Variants in SLC11A2 observed in about 807,000 individuals in gnomAD.
SLC11A2 encodes the protein solute carrier family 11 member 2.
Under a neutral mutation model 68.0 loss-of-function variants are expected in SLC11A2, and 38 were observed. The observed-to-expected ratio is 0.56, with a 90% CI of 0.43 to 0.73. SLC11A2 has a LOEUF of 0.73. Ranked by LOEUF, SLC11A2 falls within the 30% of genes least tolerant of loss-of-function variation. The pLI is 0.00. For missense variants in SLC11A2, 517 were observed against 690.5 expected, an observed-to-expected ratio of 0.75 and a Z score of 2.82; for synonymous variants, 242 against 250.6, an observed-to-expected ratio of 0.97 and a Z score of 0.32.
At chr12:50,979,045 A>G (rs1939893825), downstream of SLC11A2, among the ~76,000 whole-genome samples, 3 of 152,200 alleles carry the variant, frequency 2.0e-5, no homozygotes, top group Admixed American at 2.0e-4. Context: ...GATTGACTCT[A>G]TAGTGTTGAA....
intron 2 of SLC11A2, chr12:51,009,049 T>G: frequency 2.1e-6 from 2 of 932,352 alleles, no homozygotes; most frequent in Non-Finnish European, 3.4e-6. Flanking sequence ...ATCCTAGCTT[T>G]TAAAAGAAAA....
At chr12:50,981,269 T>C (rs970009373), downstream of SLC11A2, 1 of 152,980 alleles carries the variant, frequency 6.5e-6, no homozygotes, top group Non-Finnish European at 1.5e-5. Flanking sequence ...CAGTTCATTG[T>C]GAAAAAGAGC....
intron 1 of SLC11A2, among the ~76,000 whole-genome samples, chr12:51,013,178 GCAAA>G (rs1484935902): frequency 2.0e-5 from 3 of 152,046 alleles, no homozygotes. Context: ...TTGATATGAG[GCAAA>G]CAGTCCTTCC....
Position 50,987,456 on chromosome 12 carries a change from C to A in SLC11A2, c.*869G>T, listed in dbSNP as rs111817978. 1 of 1,287,158 alleles carries A rather than the reference C, an allele frequency of 7.8e-7. No homozygotes were observed. Among genetic ancestry groups the A allele is most frequent in the Non-Finnish European group, 1.0e-6 (1 of 988,682 alleles). 79.7% of individuals were successfully genotyped at this position (1,287,158 alleles called of 1,614,324 possible). ...TTTTCTCCCCACCCTCAACATTTCA[C>A]GAGAACATCAGTTCATAAATACTAC... On this transcript the variant is annotated 3_prime_UTR_variant, in exon 16 of 16. Transcript: ENST00000262052.
intron 1 of SLC11A2, chr12:51,026,067 A>C (rs1592472386): frequency 3.7e-6 from 4 of 1,077,860 alleles, no homozygotes; most frequent in Non-Finnish European, 4.5e-6. Flanking sequence ...GACCCCCGCG[A>C]CCTCCGGCGT....
At chr12:50,997,425 G>A (rs1164209421) in intron 8 of SLC11A2, among the ~76,000 whole-genome samples, 1 of 152,064 alleles carries the variant, frequency 6.6e-6, no homozygotes, top group African/African-American at 2.4e-5. Flanking sequence ...GAAAGGGCTG[G>A]GTGCGGTGGC....
At chr12:51,026,769 C>T (rs1397038838), upstream of SLC11A2, among the ~76,000 whole-genome samples, 5 of 152,166 alleles carry the variant, frequency 3.3e-5, no homozygotes, top group Non-Finnish European at 7.3e-5. Context: ...GAGGCTCACA[C>T]TTGTAATGCC....
chr12:51,005,478 T>C, intron 3 of SLC11A2, 42 bp from the exon 4 acceptor site: 1 of 1,610,552 alleles, frequency 6.2e-7, no homozygotes, highest in Non-Finnish European at 8.5e-7. Flanking sequence ...ACATCACCAT[T>C]GAACTACTGA....
In SLC11A2 at chr12:50,986,177, G is replaced by C. The variant is rs551258639; in HGVS notation, c.*2148C>G. The C allele has an allele frequency of 2.7e-5, 35 of 1,285,026 alleles. No individual in the cohort carries two copies. Among genetic ancestry groups the C allele is most frequent in the Non-Finnish European group, 3.4e-5 (34 of 986,920 alleles). The allele number at this position is 1,285,026 out of a possible 1,614,324, so 79.6% of individuals were successfully genotyped here. ...CACAATTATTTCATGTCACATTTAAGAAGAACAAGAACCAATTTATATAAA... is the reference window on the plus strand; with the variant it reads ...CACAATTATTTCATGTCACATTTAACAAGAACAAGAACCAATTTATATAAA... On this transcript the variant is annotated 3_prime_UTR_variant, in exon 16 of 16. Transcript: ENST00000262052.
the SLC11A2 span, among the ~76,000 whole-genome samples, chr12:50,962,748 G>A: frequency 6.6e-6 from 1 of 151,956 alleles, no homozygotes; most frequent in African/African-American, 2.4e-5. Flanking sequence ...ACAAGGGAGT[G>A]GTATTTAACT....
chr12:51,004,659 G>A (rs1057211939), intron 5 of SLC11A2, 129 bp downstream of exon 5: 20 of 944,394 alleles, frequency 2.1e-5, no homozygotes, highest in East Asian at 1.1e-4. Context: ...CGTTGGTACC[G>A]TCTGTCTTCA....
chr12:51,025,506 AAC>A (rs1592469915), intron 1 of SLC11A2, among the ~76,000 whole-genome samples: 1 of 152,360 alleles, frequency 6.6e-6, no homozygotes, highest in East Asian at 1.9e-4. Flanking sequence ...ATTTTTCACC[AAC>A]AGTCACTAAA....
chr12:51,005,201 G>T, intron 4 of SLC11A2, 110 bp downstream of exon 4: 2 of 1,183,044 alleles, frequency 1.7e-6, no homozygotes, highest in Non-Finnish European at 2.5e-6. Context: ...CACTGCCAAT[G>T]AAGTATCTGC....
intron 12 of SLC11A2, 145 bp downstream of exon 12, chr12:50,992,665 G>A (rs958334599): frequency 2.0e-5 from 16 of 809,776 alleles, no homozygotes; most frequent in Middle Eastern, 3.6e-4. Context: ...CCGGGAGGTG[G>A]AGGTTGCAGT....
At chr12:50,965,170 G>C in the SLC11A2 span, among the ~76,000 whole-genome samples, 11 of 152,208 alleles carry the variant, frequency 7.2e-5, no homozygotes, top group African/African-American at 2.7e-4. Context: ...TTGGAGTGTA[G>C]TGGTATGATC....
At chr12:51,011,124 AT>A (rs34248900) in intron 1 of SLC11A2, among the ~76,000 whole-genome samples, 3,258 of 144,792 alleles carry the variant, frequency 0.023, 60 homozygotes, top group African/African-American at 0.05. Context: ...AGCAAATACC[AT>A]TTTTTTTTTT....
chr12:50,980,588 T>C (rs1428097842), downstream of SLC11A2: 1 of 152,208 alleles, frequency 6.6e-6, no homozygotes. Flanking sequence ...AATCTATACA[T>C]GTAGGCAAGC....
intron 2 of SLC11A2, among the ~76,000 whole-genome samples, chr12:51,010,188 C>T (rs1241840907): frequency 8.1e-6 from 1 of 122,912 alleles, no homozygotes; most frequent in South Asian, 2.7e-4. Flanking sequence ...AACTCCGCCT[C>T]AAAAAAAAAA....
chr12:51,008,224 AGATAGAT>A, intron 3 of SLC11A2: 1 of 281,354 alleles, frequency 3.6e-6, no homozygotes, highest in Admixed American at 7.0e-5. Context: ...TTAGATAGAC[AGATAGAT>A]AGATAGATAG....
Sources: allele counts gnomAD v4.1 joint callset (sites outside exome capture counted in the v4.1 genomes callset), GRCh38; gene constraint gnomAD v4.1.1; transcripts MANE v1.5; gene names NCBI Gene and HGNC (gene_info 2026-07-23, HGNC 2026-07-21).